SRGN: variants seen among roughly 807,000 people sequenced by gnomAD.
SRGN encodes the protein hematopoetic proteoglycan core peptide.
Under a neutral mutation model 9.5 loss-of-function variants are expected in SRGN, and 2 were observed. The observed-to-expected ratio is 0.21, with a 90% CI of 0.09 to 0.66. The LOEUF (loss-of-function observed/expected upper bound fraction) is 0.66. SRGN is among the 30% of genes least tolerant of loss of function. The pLI, the probability that SRGN is intolerant of heterozygous loss-of-function variation, is 0.83. For missense variants in SRGN, 170 were observed against 192.4 expected, an observed-to-expected ratio of 0.88 and a Z score of 0.69; for synonymous variants, 59 against 72.3, an observed-to-expected ratio of 0.82 and a Z score of 0.93.
intron 1 of SRGN, among the ~76,000 whole-genome samples, chr10:69,089,529 A>T (rs1435410568): frequency 6.6e-6 from 1 of 152,220 alleles, no homozygotes; most frequent in Non-Finnish European, 1.5e-5. Context: ...CAGAAACATG[A>T]ATTTCCCACT....
chr10:69,097,729 A>AT (rs1441541313), intron 2 of SRGN, among the ~76,000 whole-genome samples: 1 of 151,800 alleles, frequency 6.6e-6, no homozygotes, highest in Non-Finnish European at 1.5e-5. Flanking sequence ...GCCTGGCCTA[A>AT]TTTTTTGTAT....
chr10:69,098,196 G>C (rs983421086), intron 2 of SRGN, among the ~76,000 whole-genome samples: 3 of 152,158 alleles, frequency 2.0e-5, no homozygotes, highest in Admixed American at 6.6e-5. Flanking sequence ...TAACTGAATG[G>C]ATAAGCAAAA....
intron 2 of SRGN, among the ~76,000 whole-genome samples, chr10:69,097,580 C>T (rs1332100792): frequency 3.3e-5 from 5 of 152,246 alleles, no homozygotes; most frequent in South Asian, 4.1e-4. Flanking sequence ...GCACCCGCCA[C>T]CACGCCCGGC....
intron 2 of SRGN, among the ~76,000 whole-genome samples, chr10:69,101,264 C>G (rs768155320): frequency 6.6e-5 from 10 of 152,104 alleles, no homozygotes; most frequent in African/African-American, 1.9e-4. Context: ...TGTGCCTGGC[C>G]GAAGGAAATA....
At chr10:69,094,081 A>G (rs896873699) in intron 1 of SRGN, among the ~76,000 whole-genome samples, 2 of 152,218 alleles carry the variant, frequency 1.3e-5, no homozygotes, top group Admixed American at 6.5e-5. Flanking sequence ...TAACATTTGT[A>G]TCTCCTTATT....
At chr10:69,089,194 G>A (rs575437986) in intron 1 of SRGN, among the ~76,000 whole-genome samples, 2 of 152,278 alleles carry the variant, frequency 1.3e-5, no homozygotes, top group African/African-American at 4.8e-5. Context: ...ACAGATGATC[G>A]CAGAGACATT....
intron 1 of SRGN, among the ~76,000 whole-genome samples, chr10:69,095,223 G>A (rs1305430270): frequency 2.7e-5 from 4 of 150,696 alleles, no homozygotes; most frequent in African/African-American, 7.3e-5. Context: ...CAGGAGAATC[G>A]CTTGAACCTG....
At chr10:69,096,309 A>G (rs1840174858) in intron 1 of SRGN, among the ~76,000 whole-genome samples, 1 of 152,178 alleles carries the variant, frequency 6.6e-6, no homozygotes, top group African/African-American at 2.4e-5. Flanking sequence ...TGTAAAATTG[A>G]GATAATAGTA....
chr10:69,099,304 C>CTTTTTT (rs200610137), intron 2 of SRGN, among the ~76,000 whole-genome samples: 1 of 128,152 alleles, frequency 7.8e-6, no homozygotes, highest in African/African-American at 2.7e-5. Context: ...GCAACTTTCT[C>CTTTTTT]TTTTGTTTTT....
chr10:69,094,353 G>T (rs376325436), intron 1 of SRGN, among the ~76,000 whole-genome samples: 1 of 152,002 alleles, frequency 6.6e-6, no homozygotes, highest in African/African-American at 2.4e-5. Context: ...AAAATCCAAT[G>T]GGAGAATATT....
At chr10:69,090,978 C>T (rs917895096) in intron 1 of SRGN, among the ~76,000 whole-genome samples, 2 of 152,112 alleles carry the variant, frequency 1.3e-5, no homozygotes, top group South Asian at 2.1e-4. Flanking sequence ...AGGCCAGGCC[C>T]GCCATGTGTC....
At chr10:69,101,659 C>T (rs577320534) in intron 2 of SRGN, among the ~76,000 whole-genome samples, 1 of 152,332 alleles carries the variant, frequency 6.6e-6, no homozygotes, top group African/African-American at 2.4e-5. Context: ...CCCCTCCTTT[C>T]CTCACCCCCT....
At chr10:69,095,299 C>A (rs1268592891) in intron 1 of SRGN, among the ~76,000 whole-genome samples, 2 of 122,344 alleles carry the variant, frequency 1.6e-5, no homozygotes, top group Non-Finnish European at 3.4e-5. Context: ...CAGAGCGAGA[C>A]TTCATCTCAA....
At position 69,100,233 on chromosome 10, in the gene SRGN, C is replaced by A. The variant is rs149552978; in HGVS notation, c.227+3002C>A. On this transcript the variant is annotated intron_variant, in intron 2 of 2. Transcript: ENST00000242465. The stretch of plus-strand genomic sequence containing the variant: ...CAAAAATTAGCCAAGCATGGAGAAA[C>A]CTCGTCTCTATAGAAAGACACAAAA... 4.5e-3 allele frequency among the ~76,000 whole-genome samples: 680 copies of A among 152,040 alleles called. 5 individuals carry two copies. The highest frequency in any genetic ancestry group is 0.016 in the African/African-American group (659 of 41,470).
At chr10:69,089,090 AATGTTG>A (rs2132151090) in intron 1 of SRGN, among the ~76,000 whole-genome samples, 1 of 152,334 alleles carries the variant, frequency 6.6e-6, no homozygotes, top group African/African-American at 2.4e-5. Context: ...TGGTAAGGGA[AATGTTG>A]AGTCACAATG....
chr10:69,088,432 G>A (rs1053469562), intron 1 of SRGN, among the ~76,000 whole-genome samples, 196 bp downstream of exon 1: 3 of 152,192 alleles, frequency 2.0e-5, no homozygotes, highest in African/African-American at 4.8e-5. Context: ...ACTCTGTGGC[G>A]TGTGCAGTCT....
upstream of SRGN, chr10:69,088,093 G>A (rs1380130480): frequency 5.1e-6 from 7 of 1,372,212 alleles, no homozygotes; most frequent in Non-Finnish European, 7.3e-6. Flanking sequence ...GGGACAGAGA[G>A]CACCCTGCTA....
At chr10:69,102,686 A>C (rs1221837723) in intron 2 of SRGN, among the ~76,000 whole-genome samples, 1 of 152,098 alleles carries the variant, frequency 6.6e-6, no homozygotes, top group African/African-American at 2.4e-5. Context: ...TCTAATCATC[A>C]CACTCAACCC....
chr10:69,095,098 A>G (rs1033517192), intron 1 of SRGN, among the ~76,000 whole-genome samples: 2 of 151,444 alleles, frequency 1.3e-5, no homozygotes, highest in Non-Finnish European at 2.9e-5. Flanking sequence ...ACCTGAGGTC[A>G]GGAGTTCGAG....
Sources: gnomAD v4.1 joint callset for allele counts (sites outside exome capture counted in the v4.1 genomes callset) on GRCh38, gnomAD v4.1.1 for gene constraint, MANE v1.5 for transcripts, NCBI Gene and HGNC (gene_info 2026-07-23, HGNC 2026-07-21) for gene names.